The following SLC9B1 variants were observed in gnomAD, a reference collection of about 807,000 sequenced individuals.
SLC9B1 encodes sodium/hydrogen exchanger 9B1.
In SLC9B1, 32 loss-of-function variants were observed where a neutral mutation model predicts 51.7. That is an observed-to-expected ratio of 0.62 (90% CI 0.47 to 0.83). SLC9B1 has a LOEUF of 0.83. Ranked by LOEUF, SLC9B1 falls within the 40% of genes least tolerant of loss-of-function variation. The pLI is 0.00. For missense variants in SLC9B1, 406 were observed against 613.2 expected, an observed-to-expected ratio of 0.66 and a Z score of 3.57; for synonymous variants, 145 against 212.7, an observed-to-expected ratio of 0.68 and a Z score of 2.77.
At chr4:102,952,849 C>A (rs1187241423) in intron 3 of SLC9B1, among the ~76,000 whole-genome samples, 1 of 46,150 alleles carries the variant, frequency 2.2e-5, no homozygotes, top group Non-Finnish European at 3.8e-5. Flanking sequence ...TGTTTGAGTT[C>A]ATTGTAGATT....
intron 3 of SLC9B1, among the ~76,000 whole-genome samples, chr4:102,973,927 C>T (rs1738891603): frequency 6.6e-6 from 1 of 151,948 alleles, no homozygotes; most frequent in Non-Finnish European, 1.5e-5. Context: ...AAGCGTCCAC[C>T]TTCGGAAGTT....
intron 3 of SLC9B1, among the ~76,000 whole-genome samples, chr4:102,955,404 G>A (rs748277873): frequency 1.3e-5 from 2 of 152,046 alleles, no homozygotes; most frequent in African/African-American, 2.4e-5. Flanking sequence ...GAATGAAAAC[G>A]GACTAATACA....
At chr4:102,983,013 T>C (rs3886723) in intron 3 of SLC9B1, among the ~76,000 whole-genome samples, 82,821 of 151,864 alleles carry the variant, frequency 0.55, 23,139 homozygotes, top group African/African-American at 0.68. Context: ...ATGTTACCTG[T>C]AGGATTTTAG....
chr4:103,012,066 A>T (rs1376654844), intron 1 of SLC9B1, among the ~76,000 whole-genome samples: 1 of 152,152 alleles, frequency 6.6e-6, no homozygotes, highest in Non-Finnish European at 1.5e-5. Context: ...AGGCTGAAAA[A>T]TTTCCAATTC....
chr4:102,939,458 C>T (rs1292219951), intron 6 of SLC9B1, among the ~76,000 whole-genome samples: 1 of 126,618 alleles, frequency 7.9e-6, no homozygotes. Context: ...GATTCACAGA[C>T]AAATTCTACC....
intron 1 of SLC9B1, among the ~76,000 whole-genome samples, chr4:103,012,041 C>G (rs1400515799): frequency 6.6e-6 from 1 of 152,234 alleles, no homozygotes; most frequent in Non-Finnish European, 1.5e-5. Context: ...TGAACTCAGT[C>G]TTTACAACCT....
chr4:102,922,446 G>C (rs780596305), intron 7 of SLC9B1, among the ~76,000 whole-genome samples: 34 of 152,032 alleles, frequency 2.2e-4, no homozygotes, highest in Non-Finnish European at 3.2e-4. Flanking sequence ...TAAATGCCCA[G>C]AAGAGAAAGC....
intron 10 of SLC9B1, among the ~76,000 whole-genome samples, 163 bp from the exon 11 acceptor site, chr4:102,905,813 A>G (rs1454446583): frequency 6.6e-6 from 1 of 152,188 alleles, no homozygotes; most frequent in African/African-American, 2.4e-5. Flanking sequence ...AATGAATATG[A>G]TGGAGGATTC....
chr4:102,979,846 C>T (rs955537531), intron 3 of SLC9B1, among the ~76,000 whole-genome samples: 1 of 152,052 alleles, frequency 6.6e-6, no homozygotes, highest in African/African-American at 2.4e-5. Context: ...ATCTATCCAT[C>T]TGATAAAGGT....
At chr4:102,963,026 A>C in intron 3 of SLC9B1, 1 of 455,284 alleles carries the variant, frequency 2.2e-6, no homozygotes, top group Non-Finnish European at 4.4e-6. Context: ...CCACTGTATA[A>C]GAATGTTGTT....
chr4:103,014,219 CTT>C (rs1457102042), intron 1 of SLC9B1, among the ~76,000 whole-genome samples: 1 of 152,196 alleles, frequency 6.6e-6, no homozygotes, highest in Non-Finnish European at 1.5e-5. Flanking sequence ...ATCTCCAAAA[CTT>C]TATGCATTCT....
At chr4:103,014,706 A>G (rs546059183) in intron 1 of SLC9B1, among the ~76,000 whole-genome samples, 119 of 152,302 alleles carry the variant, frequency 7.8e-4, no homozygotes, top group African/African-American at 2.7e-3. Flanking sequence ...TATTCTTTGC[A>G]TTGTAAGAGG....
chr4:102,989,987 A>G (rs761773925), intron 2 of SLC9B1, 46 bp from the exon 3 acceptor site: 13 of 1,476,822 alleles, frequency 8.8e-6, no homozygotes, highest in Non-Finnish European at 1.2e-5. Context: ...CTTTCTGTAT[A>G]ATTTTATGAA....
downstream of SLC9B1, chr4:102,898,134 C>A (rs778585342): frequency 1.2e-4 from 62 of 500,894 alleles, no homozygotes; most frequent in Non-Finnish European, 2.1e-4. Flanking sequence ...ATCTCCAGAG[C>A]CTCGCTGTAC....
intron 6 of SLC9B1, among the ~76,000 whole-genome samples, chr4:102,933,599 T>C (rs1309990125): frequency 1.3e-5 from 2 of 152,158 alleles, no homozygotes; most frequent in Non-Finnish European, 2.9e-5. Context: ...AGATTTCCCA[T>C]GAGGTAGGGT....
chr4:102,976,060 G>C (rs1739053749), intron 3 of SLC9B1, among the ~76,000 whole-genome samples: 1 of 152,104 alleles, frequency 6.6e-6, no homozygotes, highest in Admixed American at 6.6e-5. Context: ...AGTGAGGGAA[G>C]AAGAAAACCA....
chr4:102,891,202 T>A (rs1252798971), intron 11 of SLC9B1: 1 of 146,942 alleles, frequency 6.8e-6, no homozygotes, highest in Non-Finnish European at 1.5e-5. Flanking sequence ...TTTTAAAAAA[T>A]TTTTAATGGT....
At chr4:102,940,708 G>T (rs1032166424) in intron 6 of SLC9B1, among the ~76,000 whole-genome samples, 3 of 152,176 alleles carry the variant, frequency 2.0e-5, no homozygotes, top group African/African-American at 7.2e-5. Flanking sequence ...TAGAGTGGGA[G>T]AAAATCTTTA....
At chr4:102,942,056 A>T (rs1361572003) in intron 6 of SLC9B1, among the ~76,000 whole-genome samples, 2 of 152,064 alleles carry the variant, frequency 1.3e-5, no homozygotes, top group African/African-American at 4.8e-5. Context: ...CCCCTTTTAC[A>T]ACAGCTGCAA....
Sources: gnomAD v4.1 joint callset for allele counts (sites outside exome capture counted in the v4.1 genomes callset) on GRCh38, gnomAD v4.1.1 for gene constraint, MANE v1.5 for transcripts, NCBI Gene and HGNC (gene_info 2026-07-23, HGNC 2026-07-21) for gene names.